The following DTWD2 variants were observed in gnomAD, a reference collection of about 807,000 sequenced individuals.
DTWD2 encodes DTW motif tRNA-uridine aminocarboxypropyltransferase 2.
Under a neutral mutation model 31.8 loss-of-function variants are expected in DTWD2, and 39 were observed. The observed-to-expected ratio is 1.22, with a 90% CI of 0.95 to 1.60. The LOEUF (loss-of-function observed/expected upper bound fraction) is 1.60, where lower values mean the gene tolerates loss of function less well. Among genes scored for constraint, DTWD2 ranks in the 40% most tolerant of loss-of-function variants. The pLI, the probability that DTWD2 is intolerant of heterozygous loss-of-function variation, is 0.00. For missense variants in DTWD2, 515 were observed against 381.5 expected (o/e 1.35, Z -2.92); for synonymous variants, 180 against 142.8 (o/e 1.26, Z -1.86).
At chr5:118,914,276 G>A (rs2149572137) in intron 4 of DTWD2, among the ~76,000 whole-genome samples, 1 of 152,280 alleles carries the variant, frequency 6.6e-6, no homozygotes, top group Non-Finnish European at 1.5e-5. Flanking sequence ...GGCTCTAGGA[G>A]TGCGTTCTTT....
intron 4 of DTWD2, among the ~76,000 whole-genome samples, chr5:118,857,570 T>C (rs75938569): frequency 0.018 from 2,679 of 152,340 alleles, 78 homozygotes; most frequent in African/African-American, 0.056. Flanking sequence ...CTTCTCACTG[T>C]GAATTATGCT....
chr5:118,890,262 T>C (rs948899584), intron 4 of DTWD2, among the ~76,000 whole-genome samples: 3 of 152,196 alleles, frequency 2.0e-5, no homozygotes, highest in African/African-American at 7.2e-5. Flanking sequence ...GTCATATTGT[T>C]TGTCCTACAC....
chr5:118,866,122 A>T (rs1752376496), intron 4 of DTWD2, among the ~76,000 whole-genome samples: 1 of 152,172 alleles, frequency 6.6e-6, no homozygotes, highest in Non-Finnish European at 1.5e-5. Flanking sequence ...CAGGCATGAA[A>T]GTTATGAATC....
intron 4 of DTWD2, among the ~76,000 whole-genome samples, chr5:118,891,067 T>A (rs906167613): frequency 1.3e-5 from 2 of 152,168 alleles, no homozygotes; most frequent in Non-Finnish European, 2.9e-5. Flanking sequence ...ATAAAGAGAT[T>A]TCATTAGTAA....
At chr5:118,854,957 G>A (rs1055479689) in intron 4 of DTWD2, among the ~76,000 whole-genome samples, 1 of 151,890 alleles carries the variant, frequency 6.6e-6, no homozygotes, top group African/African-American at 2.4e-5. Context: ...GCAGGAGGCC[G>A]AGGTGGGAAG....
At position 118,840,119 on chromosome 5, in the gene DTWD2, T is replaced by C. The variant is rs1301439199; in HGVS notation, c.*798A>G. 1 of 152,212 alleles carries C rather than the reference T, an allele frequency of 6.6e-6. No homozygotes were observed. The highest frequency in any genetic ancestry group is 1.9e-4 in the East Asian group (1 of 5,204). The allele number at this position is 152,212 out of a possible 1,614,324, so 9.4% of individuals were successfully genotyped here. A position where few individuals can be genotyped will look rare whatever the true frequency, so the allele number is the denominator to read the frequency against. ...AATTTTTTCTCTCAAATGGAAAGTT[T>C]TTGCTCGTTAAAAAGGTTATATTAA... On this transcript the variant is annotated 3_prime_UTR_variant, in exon 6 of 6. Coordinates refer to ENST00000510708, the MANE Select transcript of DTWD2 (RefSeq NM_173666.4).
At chr5:118,916,296 AT>A (rs1016665110) in intron 4 of DTWD2, among the ~76,000 whole-genome samples, 1 of 152,144 alleles carries the variant, frequency 6.6e-6, no homozygotes, top group Non-Finnish European at 1.5e-5. Flanking sequence ...GTCCATGATT[AT>A]TTTTTTGTTG....
intron 1 of DTWD2, among the ~76,000 whole-genome samples, chr5:118,972,286 G>C (rs1042904064): frequency 5.3e-5 from 8 of 152,018 alleles, no homozygotes; most frequent in Admixed American, 5.2e-4. Context: ...ATGATAAGGG[G>C]GATATCACCA....
chr5:118,985,745 T>C (rs1433798614), intron 1 of DTWD2, among the ~76,000 whole-genome samples: 1 of 152,092 alleles, frequency 6.6e-6, no homozygotes, highest in Non-Finnish European at 1.5e-5. Context: ...TAAATAAGAA[T>C]GTTTAAATTA....
At chr5:118,851,035 T>C (rs998582189) in intron 4 of DTWD2, among the ~76,000 whole-genome samples, 2 of 151,016 alleles carry the variant, frequency 1.3e-5, no homozygotes, top group Non-Finnish European at 3.0e-5. Flanking sequence ...TCACATGAGG[T>C]TGGGAGTTCA....
At chr5:118,944,792 G>T in intron 1 of DTWD2, 143 bp from the exon 2 acceptor site, 1 of 697,336 alleles carries the variant, frequency 1.4e-6, no homozygotes, top group Non-Finnish European at 2.3e-6. Flanking sequence ...TACCAAGAAT[G>T]AATTTAATCA....
intron 3 of DTWD2, among the ~76,000 whole-genome samples, chr5:118,934,252 T>C (rs1248022141): frequency 2.1e-5 from 2 of 96,244 alleles, no homozygotes; most frequent in Admixed American, 1.6e-4. Context: ...CTGGGCAACA[T>C]AGTGAGACCT....
rs1183913687 is a variant in DTWD2 at position 118,963,085 on chromosome 5, T to C, written c.219-18436A>G. ...CAAAAGATCAAAGCCAAGATATTCA[T>C]AAAATTCCTCAGTATAAAATGGCTA... On this transcript the variant is annotated intron_variant, in intron 1 of 5. Coordinates refer to ENST00000510708, the MANE Select transcript of DTWD2 (RefSeq NM_173666.4). 2.0e-5 allele frequency among the ~76,000 whole-genome samples: 3 copies of C among 152,204 alleles called. No individual in the cohort carries two copies. The East Asian group carries it at 5.8e-4, about 29-fold the overall frequency.
chr5:118,893,473 T>G (rs1042284308), intron 4 of DTWD2, among the ~76,000 whole-genome samples: 1 of 150,482 alleles, frequency 6.6e-6, no homozygotes, highest in African/African-American at 2.5e-5. Context: ...AAGAAGCCAA[T>G]GAAATTGATT....
At position 118,836,208 on chromosome 5, in the gene DTWD2, T is replaced by TA. The variant is rs1391016076; in HGVS notation, c.*4708dup. 1.3e-5 allele frequency among the ~76,000 whole-genome samples: 2 copies of TA among 152,190 alleles called. No individual in the cohort carries two copies. The highest frequency in any genetic ancestry group is 1.3e-4 in the Admixed American group (2 of 15,274). On this transcript the variant is annotated 3_prime_UTR_variant, in exon 6 of 6. Coordinates refer to ENST00000510708, the MANE Select transcript of DTWD2 (RefSeq NM_173666.4). The stretch of plus-strand genomic sequence containing the variant: ...AAAAGTTTCTTTTAAAAATAATTCT[T>TA]ACGTTGTTAGTTCAAGTGAATCTTA...
chr5:118,966,328 T>C (rs187274294), intron 1 of DTWD2, among the ~76,000 whole-genome samples: 10 of 152,342 alleles, frequency 6.6e-5, no homozygotes, highest in Admixed American at 2.6e-4. Context: ...TGCGCAGTGG[T>C]TGTCATAAAG....
At chr5:118,913,241 G>A (rs530913813) in intron 4 of DTWD2, among the ~76,000 whole-genome samples, 2 of 151,976 alleles carry the variant, frequency 1.3e-5, no homozygotes, top group South Asian at 2.1e-4. Flanking sequence ...TTAGGGAAGG[G>A]TGAAAGTACT....
rs113045429 is a variant in DTWD2 at position 118,932,279 on chromosome 5, C to A, written c.405-3550G>T. Among the ~76,000 whole-genome samples the A allele has an allele frequency of 5.0e-3, 740 of 149,248 alleles. 8 individuals carry two copies. Among genetic ancestry groups the A allele is most frequent in the African/African-American group, 0.018 (720 of 40,462 alleles). On this transcript the variant is annotated intron_variant, in intron 3 of 5. Transcript: ENST00000510708. ...GTCACTTGAGGCCAGGAGCTCAAGA[C>A]CAGCCTGAGCAATGTAGCAAGACTC... is the stretch of plus-strand genomic sequence containing the variant.
chr5:118,970,313 G>A (rs1195683117), intron 1 of DTWD2, among the ~76,000 whole-genome samples: 1 of 152,168 alleles, frequency 6.6e-6, no homozygotes, highest in East Asian at 1.9e-4. Flanking sequence ...TATAATTCCA[G>A]CTACTCAGGA....
Sources: allele counts gnomAD v4.1 joint callset (sites outside exome capture counted in the v4.1 genomes callset), GRCh38; gene constraint gnomAD v4.1.1; transcripts MANE v1.5; gene names NCBI Gene and HGNC (gene_info 2026-07-23, HGNC 2026-07-21).